The following CSMD1 variants were observed in gnomAD, a reference collection of about 807,000 sequenced individuals.
CSMD1 encodes the protein CUB and sushi domain-containing protein 1.
CSMD1 carries 213 observed loss-of-function variants against 417.5 expected under a neutral mutation model. The observed-to-expected ratio is 0.51, with a 90% CI of 0.46 to 0.57. The LOEUF (loss-of-function observed/expected upper bound fraction) is 0.57. Among genes scored for constraint, CSMD1 ranks in the 20% least tolerant of loss-of-function variants. The pLI is 0.00. For missense variants in CSMD1, 6,923 were observed against 4,529.7 expected (o/e 1.53, Z -15.17); for synonymous variants, 2,862 against 1,736.8 (o/e 1.65, Z -16.11).
rs372902839 is a variant in CSMD1 at position 4,273,965 on chromosome 8, G to C, written c.415+145988C>G. ...TGTTGAAGTGTCCTGGGAGTATTCA[G>C]AACGACATTTGTATTGCTATCAGTG... On this transcript the variant is annotated intron_variant, in intron 3 of 69. Coordinates refer to ENST00000635120, the MANE Select transcript of CSMD1 (RefSeq NM_033225.6). Among the ~76,000 whole-genome samples, 6 of 152,254 alleles carry C rather than the reference G, an allele frequency of 3.9e-5. No individual in the cohort carries two copies. In the East Asian group the frequency reaches 7.7e-4, roughly 20 times the overall value.
intron 10 of CSMD1, among the ~76,000 whole-genome samples, chr8:3,534,708 C>T (rs945751431): frequency 6.6e-6 from 1 of 152,204 alleles, no homozygotes; most frequent in African/African-American, 2.4e-5. Context: ...TCTTCTAGTC[C>T]CAGAGCCTTT....
intron 3 of CSMD1, among the ~76,000 whole-genome samples, chr8:4,267,371 G>C (rs1274706502): frequency 4.1e-5 from 2 of 48,392 alleles, no homozygotes; most frequent in African/African-American, 7.3e-5. Context: ...TTAAAAGGGA[G>C]TCTTAGGATT....
chr8:4,176,552 A>G (rs188151263), intron 3 of CSMD1, among the ~76,000 whole-genome samples: 1 of 151,944 alleles, frequency 6.6e-6, no homozygotes, highest in East Asian at 1.9e-4. Context: ...CTACTAATAT[A>G]CCCCATTTTG....
intron 6 of CSMD1, among the ~76,000 whole-genome samples, chr8:3,739,795 A>G (rs1796701208): frequency 6.6e-6 from 1 of 152,166 alleles, no homozygotes; most frequent in South Asian, 2.1e-4. Context: ...AAAAAGGTAA[A>G]AAAAAATTCA....
At chr8:4,966,870 C>G (rs1397407106) in intron 1 of CSMD1, among the ~76,000 whole-genome samples, 1 of 152,132 alleles carries the variant, frequency 6.6e-6, no homozygotes, top group Non-Finnish European at 1.5e-5. Context: ...GATCATCTTT[C>G]CCTTATTCAC....
chr8:3,883,871 ACG>A (rs1469324309), intron 5 of CSMD1, among the ~76,000 whole-genome samples: 1 of 152,112 alleles, frequency 6.6e-6, no homozygotes, highest in African/African-American at 2.4e-5. Flanking sequence ...GGAAAACAAT[ACG>A]GTTTTTCATA....
rs560480089 is a variant in CSMD1 at position 3,657,553 on chromosome 8, G to C, written c.1010-40756C>G. Among the ~76,000 whole-genome samples, 52 of 152,224 alleles carry C rather than the reference G, an allele frequency of 3.4e-4. 1 individual carries two copies. The South Asian group carries it at 0.011, about 31-fold the overall frequency. On this transcript the variant is annotated intron_variant, in intron 7 of 69. Coordinates refer to ENST00000635120, the MANE Select transcript of CSMD1 (RefSeq NM_033225.6). ...AGTTCATGTCCTTTGCAGGGACATGGATGATGCTGGAAACCATCATTCTCA... is the reference window on the plus strand; with the variant it reads ...AGTTCATGTCCTTTGCAGGGACATGCATGATGCTGGAAACCATCATTCTCA...
At chr8:3,281,783 G>C (rs1802760219) in intron 26 of CSMD1, among the ~76,000 whole-genome samples, 1 of 152,158 alleles carries the variant, frequency 6.6e-6, no homozygotes, top group South Asian at 2.1e-4. Flanking sequence ...GATATGGTTT[G>C]GATCTGCGTC....
In CSMD1 at chr8:2,950,167, G is replaced by T. The variant is rs926915646; in HGVS notation, c.10314+64C>A. 6.6e-6 allele frequency: 7 copies of T among 1,063,612 alleles called. No individual in the cohort carries two copies. In the African/African-American group the frequency reaches 7.8e-5, roughly 12 times the overall value. The allele number at this position is 1,063,612 out of a possible 1,614,324, so 65.9% of individuals were successfully genotyped here. ...CAGAAGCCTCCAATCCGTAGCCCTT[G>T]CATCTGCACAGAGAGATGATTAGAA... On this transcript the variant is annotated intron_variant, in intron 67 of 69. Coordinates refer to ENST00000635120, the MANE Select transcript of CSMD1 (RefSeq NM_033225.6).
At chr8:3,790,864 C>G (rs1799698015) in intron 5 of CSMD1, among the ~76,000 whole-genome samples, 1 of 152,108 alleles carries the variant, frequency 6.6e-6, no homozygotes, top group Non-Finnish European at 1.5e-5. Flanking sequence ...CAGGCAGCTA[C>G]TTTTTGAGAT....
intron 3 of CSMD1, among the ~76,000 whole-genome samples, chr8:4,165,252 G>A (rs1299805204): frequency 6.6e-6 from 1 of 152,198 alleles, no homozygotes; most frequent in East Asian, 1.9e-4. Flanking sequence ...GGACATGGAG[G>A]TCTGTTGCAG....
intron 1 of CSMD1, among the ~76,000 whole-genome samples, chr8:4,698,478 G>A (rs1344345518): frequency 6.6e-6 from 1 of 152,096 alleles, no homozygotes; most frequent in African/African-American, 2.4e-5. Context: ...TAAGGCAGTT[G>A]GGATAGAAAA....
intron 5 of CSMD1, among the ~76,000 whole-genome samples, chr8:3,859,572 A>C (rs1455803897): frequency 6.6e-6 from 1 of 152,082 alleles, no homozygotes; most frequent in Non-Finnish European, 1.5e-5. Context: ...TCTTAGTGCG[A>C]AGTTGGGTCA....
At chr8:3,930,793 C>G (rs1474383079) in intron 5 of CSMD1, among the ~76,000 whole-genome samples, 6 of 150,394 alleles carry the variant, frequency 4.0e-5, no homozygotes, top group African/African-American at 1.2e-4. Context: ...CTAACATGTA[C>G]AAGGGTCAAG....
intron 49 of CSMD1, among the ~76,000 whole-genome samples, chr8:3,064,507 C>G (rs138753212): frequency 0.011 from 1,718 of 152,274 alleles, 37 homozygotes; most frequent in African/African-American, 0.039. Flanking sequence ...AATTAGGCCT[C>G]TTTTCTTCAT....
intron 49 of CSMD1, among the ~76,000 whole-genome samples, chr8:3,084,322 G>C (rs563805095): frequency 1.3e-5 from 2 of 152,142 alleles, no homozygotes; most frequent in African/African-American, 4.8e-5. Flanking sequence ...TCAGGAGTTT[G>C]AGACCAGCCC....
In CSMD1 at chr8:3,399,407, T is replaced by C; in HGVS notation, c.2389A>G (p.Lys797Glu). 6.2e-7 allele frequency: 1 copy of C among 1,604,514 alleles called. No individual in the cohort carries two copies. The highest frequency in any genetic ancestry group is 8.5e-7 in the Non-Finnish European group (1 of 1,176,028). Residue 797 changes from lysine to glutamate, a missense_variant, in exon 16 of 70, where the codon AAA becomes GAA. By Grantham distance (56) the Lys-to-Glu change is moderately conservative. Transcript: ENST00000635120. ...TTTTCTTACCTGTCAAAAGTTATTT[T>C]GATAGAGTGGCCTGGTTTTGCTTCA... is the stretch of plus-strand genomic sequence containing the variant. ...IIEAKPGHSI[K>E]ITFDRFQTEV...
At chr8:4,049,420 C>A (rs1399232384) in intron 3 of CSMD1, among the ~76,000 whole-genome samples, 2 of 151,408 alleles carry the variant, frequency 1.3e-5, no homozygotes, top group African/African-American at 4.9e-5. Context: ...AAAAATTACC[C>A]CCAGCTCAAA....
chr8:3,431,736 T>C (rs968585741), intron 12 of CSMD1, among the ~76,000 whole-genome samples: 8 of 152,222 alleles, frequency 5.3e-5, no homozygotes, highest in South Asian at 2.1e-4. Flanking sequence ...CACTTTACTT[T>C]TGCTCTATCT....
Sources: gnomAD v4.1 joint callset for allele counts (sites outside exome capture counted in the v4.1 genomes callset) on GRCh38, gnomAD v4.1.1 for gene constraint, MANE v1.5 for transcripts, NCBI Gene and HGNC (gene_info 2026-07-23, HGNC 2026-07-21) for gene names.